The following PTPRE variants were observed in gnomAD, a reference collection of about 807,000 sequenced individuals.
PTPRE encodes receptor-type tyrosine-protein phosphatase epsilon.
PTPRE carries 51 observed loss-of-function variants against 102.0 expected under a neutral mutation model. The observed-to-expected ratio is 0.50, with a 90% CI of 0.40 to 0.63. The LOEUF is 0.63. Among genes scored for constraint, PTPRE ranks in the 30% least tolerant of loss-of-function variants. The pLI, the probability that PTPRE is intolerant of heterozygous loss-of-function variation, is 0.00. For missense variants in PTPRE, 752 were observed against 915.1 expected, an observed-to-expected ratio of 0.82 and a Z score of 2.30; for synonymous variants, 345 against 348.2, an observed-to-expected ratio of 0.99 and a Z score of 0.10.
chr10:128,007,864 C>T (rs896899409), intron 2 of PTPRE, among the ~76,000 whole-genome samples: 1 of 152,188 alleles, frequency 6.6e-6, no homozygotes, highest in African/African-American at 2.4e-5. Flanking sequence ...TTGACTTTTG[C>T]TCATCTGTGC....
intron 2 of PTPRE, among the ~76,000 whole-genome samples, chr10:128,001,636 C>T (rs12262306): frequency 0.068 from 10,307 of 152,176 alleles, 1,119 homozygotes; most frequent in African/African-American, 0.23. Context: ...GCTCAGGTCC[C>T]CTGTTCCTGG....
Position 128,070,804 on chromosome 10 carries a change from G to C in PTPRE, c.1294-4G>C. The stretch of plus-strand genomic sequence containing the variant: ...CTGTGTCATTATATCCTTCTCTGCT[G>C]CAGAAATTGACAAATGTCCGGATCA... On this transcript the variant is annotated splice_region_variant and splice_polypyrimidine_tract_variant and intron_variant, in intron 14 of 20. Transcript: ENST00000254667. This position sits in a 1 kb window ranked among gnomAD's most constrained non-coding sequence, Gnocchi z 4.8. 1 of 1,612,744 alleles carries C rather than the reference G, an allele frequency of 6.2e-7. No homozygotes were observed. The highest frequency in any genetic ancestry group is 8.5e-7 in the Non-Finnish European group (1 of 1,178,750).
At chr10:128,014,915 C>T (rs1044139062) in intron 2 of PTPRE, among the ~76,000 whole-genome samples, 1 of 152,100 alleles carries the variant, frequency 6.6e-6, no homozygotes, top group African/African-American at 2.4e-5. Flanking sequence ...GGGGTGGGGG[C>T]CATGCTGACA....
At chr10:128,049,498 A>C in intron 5 of PTPRE, 32 bp from the exon 6 acceptor site, 1 of 1,611,386 alleles carries the variant, frequency 6.2e-7, no homozygotes. Context: ...GAATGTGGCT[A>C]AATGGCCCCC....
chr10:127,951,810 A>G lies in PTPRE; in HGVS notation c.-30-30464A>G, dbSNP rs112265175. Among the ~76,000 whole-genome samples the G allele has an allele frequency of 2.0e-5, 3 of 152,352 alleles. No homozygotes were observed. In the South Asian group the frequency reaches 6.2e-4, roughly 32 times the overall value. ...CATCAAGGACTTGAAAGATGCAGGA[A>G]TGGTGATTCCCACCTTCAACTCTCC... On this transcript the variant is annotated intron_variant, in intron 1 of 20. Coordinates refer to ENST00000254667, the MANE Select transcript of PTPRE (RefSeq NM_006504.6).
At chr10:128,017,129 G>A (rs115784807) in intron 2 of PTPRE, among the ~76,000 whole-genome samples, 2,296 of 152,196 alleles carry the variant, frequency 0.015, 58 homozygotes, top group African/African-American at 0.051. Flanking sequence ...AGTGAGCAGC[G>A]TGGGCCAGGC....
At chr10:128,049,815 G>T in intron 6 of PTPRE, 149 bp downstream of exon 6, 6 of 1,154,354 alleles carry the variant, frequency 5.2e-6, no homozygotes, top group Non-Finnish European at 6.1e-6. Context: ...AGGAAACCTG[G>T]TGTGTGGTGC....
intron 19 of PTPRE, 22 bp from the exon 20 acceptor site, chr10:128,079,538 A>G (rs905701508): frequency 1.1e-5 from 17 of 1,612,316 alleles, no homozygotes; most frequent in Non-Finnish European, 1.4e-5. Flanking sequence ...GATGATCTGC[A>G]TTAAGCGCTT....
At chr10:127,985,224 A>G (rs559553230) in intron 2 of PTPRE, among the ~76,000 whole-genome samples, 15 of 152,348 alleles carry the variant, frequency 9.8e-5, no homozygotes, top group African/African-American at 2.4e-4. Flanking sequence ...TCTCTCATCT[A>G]TCCATCACTT....
At chr10:128,067,938 C>G (rs1422286513) in intron 11 of PTPRE, among the ~76,000 whole-genome samples, 185 bp from the exon 12 acceptor site, 1 of 152,212 alleles carries the variant, frequency 6.6e-6, no homozygotes, top group African/African-American at 2.4e-5. Flanking sequence ...CCAAAAGCAG[C>G]ACATGTTCAG....
At chr10:128,006,581 C>T (rs923629805) in intron 2 of PTPRE, among the ~76,000 whole-genome samples, 5 of 152,108 alleles carry the variant, frequency 3.3e-5, no homozygotes, top group African/African-American at 9.7e-5. Flanking sequence ...TACAGAGTTC[C>T]GTCTTTATTG....
intron 6 of PTPRE, among the ~76,000 whole-genome samples, chr10:128,051,836 T>C (rs57913583): frequency 0.22 from 33,188 of 152,034 alleles, 3,821 homozygotes; most frequent in Non-Finnish European, 0.27. Flanking sequence ...TGGGGAACCC[T>C]GGGGGAGCTG....
chr10:128,040,357 A>G (rs1308864661), intron 2 of PTPRE, among the ~76,000 whole-genome samples: 2 of 152,144 alleles, frequency 1.3e-5, no homozygotes, highest in African/African-American at 4.8e-5. Flanking sequence ...CTAGGCCCTG[A>G]AAGGATCGAG....
chr10:128,045,678 T>A (rs900589920), intron 3 of PTPRE, among the ~76,000 whole-genome samples: 1 of 151,724 alleles, frequency 6.6e-6, no homozygotes, highest in Non-Finnish European at 1.5e-5. Context: ...CCTGGCAGAG[T>A]GGAGAGGGGT....
intron 2 of PTPRE, among the ~76,000 whole-genome samples, chr10:128,000,311 A>C (rs748269594): frequency 2.0e-5 from 3 of 152,238 alleles, no homozygotes; most frequent in Non-Finnish European, 4.4e-5. Flanking sequence ...TTAAGCAAAC[A>C]GAACACCCTT....
rs201253259 is a variant in PTPRE at position 128,070,929 on chromosome 10, A to C, written c.1387+28A>C. 6.3e-7 allele frequency: 1 copy of C among 1,594,876 alleles called. No individual in the cohort carries two copies. The highest frequency in any genetic ancestry group is 1.1e-5 in the South Asian group (1 of 90,642). ...AAGGCACCCGTGGCGTGGCTTGGGC[A>C]GGGCTGGGGCGGGGCTGGTGCCGGA... is the stretch of plus-strand genomic sequence containing the variant. On this transcript the variant is annotated intron_variant, in intron 15 of 20. Coordinates refer to ENST00000254667, the MANE Select transcript of PTPRE (RefSeq NM_006504.6). This position sits in a 1 kb window ranked among gnomAD's most constrained non-coding sequence, Gnocchi z 4.8.
chr10:127,921,884 A>G (rs969373375), intron 1 of PTPRE, among the ~76,000 whole-genome samples: 4 of 152,160 alleles, frequency 2.6e-5, no homozygotes, highest in Non-Finnish European at 5.9e-5. Flanking sequence ...GGAGGAATGG[A>G]CAGGGTGCTG....
chr10:128,061,665 G>A lies in PTPRE; in HGVS notation c.589-14G>A. On this transcript the variant is annotated splice_polypyrimidine_tract_variant and intron_variant, in intron 8 of 20. Coordinates refer to ENST00000254667, the MANE Select transcript of PTPRE (RefSeq NM_006504.6). ...AATTCTGAAAAAATATAAATCTGAT[G>A]TTATTTTTTCTAGGGTTACAAAGAG... 6.3e-7 allele frequency: 1 copy of A among 1,578,808 alleles called. No homozygotes were observed. Among genetic ancestry groups the A allele is most frequent in the Non-Finnish European group, 8.6e-7 (1 of 1,165,230 alleles).
intron 1 of PTPRE, among the ~76,000 whole-genome samples, chr10:127,972,406 T>A (rs1181855991): frequency 1.3e-5 from 2 of 152,166 alleles, no homozygotes; most frequent in Non-Finnish European, 2.9e-5. Context: ...AGGGTGGCCG[T>A]GAGGATCAGA....
Sources: gnomAD v4.1 joint callset for allele counts (sites outside exome capture counted in the v4.1 genomes callset) on GRCh38, gnomAD v4.1.1 for gene constraint, Gnocchi (gnomAD v3.1) non-coding constraint, MANE v1.5 for transcripts, NCBI Gene and HGNC (gene_info 2026-07-23, HGNC 2026-07-21) for gene names.